Variants in ADGRV1 observed in about 807,000 individuals in gnomAD.
ADGRV1 encodes the protein adhesion G protein-coupled receptor V1, also known as G-protein coupled receptor 98.
ADGRV1 carries 359 observed loss-of-function variants against 596.2 expected under a neutral mutation model. The ratio of observed to expected loss-of-function variants is 0.60; its 90% CI spans 0.55 to 0.66. ADGRV1 has a LOEUF of 0.66. ADGRV1 is among the 30% of genes least tolerant of loss of function. ADGRV1 has a pLI of 0.00. For missense variants in ADGRV1, 7,274 were observed against 7,575.6 expected, an observed-to-expected ratio of 0.96 and a Z score of 1.48; for synonymous variants, 2,681 against 2,679.2, an observed-to-expected ratio of 1.00 and a Z score of -0.02.
chr5:90,863,730 C>T (rs1561865401), intron 82 of ADGRV1, 27 bp from the exon 83 acceptor site: 2 of 1,491,968 alleles, frequency 1.3e-6, no homozygotes, highest in Middle Eastern at 3.4e-4. Flanking sequence ...ATTATTAAAC[C>T]ATATGTGGAC....
At chr5:90,969,162 A>G (rs1216532508) in intron 84 of ADGRV1, among the ~76,000 whole-genome samples, 2 of 152,214 alleles carry the variant, frequency 1.3e-5, no homozygotes, top group Non-Finnish European at 2.9e-5. Context: ...CTCAAGTTGT[A>G]ATAACAGTAC....
At chr5:90,569,368 TATATATATATATATA>T in intron 1 of ADGRV1, among the ~76,000 whole-genome samples, 1 of 21,378 alleles carries the variant, frequency 4.7e-5, no homozygotes, top group East Asian at 1.2e-3. Context: ...TATATATATA[TATATATATATATATA>T]TATATTTTTT....
At chr5:90,614,533 A>G (rs561370122) in intron 1 of ADGRV1, among the ~76,000 whole-genome samples, 30 of 152,218 alleles carry the variant, frequency 2.0e-4, no homozygotes, top group African/African-American at 6.7e-4. Context: ...GTGGATGTCA[A>G]TAAATTTTTT....
chr5:90,823,313 A>C, intron 75 of ADGRV1, 112 bp from the exon 76 acceptor site: 1 of 1,071,310 alleles, frequency 9.3e-7, no homozygotes, highest in Non-Finnish European at 1.4e-6. Context: ...TTGGATGAAG[A>C]GGTACCATTT....
At chr5:91,080,416 C>G (rs1789238100) in intron 86 of ADGRV1, among the ~76,000 whole-genome samples, 1 of 152,026 alleles carries the variant, frequency 6.6e-6, no homozygotes. Flanking sequence ...GAGGTTGATT[C>G]ACAAGCTCTC....
At chr5:91,047,623 G>A (rs1785948328) in intron 85 of ADGRV1, among the ~76,000 whole-genome samples, 1 of 152,110 alleles carries the variant, frequency 6.6e-6, no homozygotes, top group Non-Finnish European at 1.5e-5. Flanking sequence ...CCAGTCCACT[G>A]ACTCAAATGT....
intron 85 of ADGRV1, among the ~76,000 whole-genome samples, chr5:91,016,667 C>T (rs1307868871): frequency 6.6e-6 from 1 of 151,828 alleles, no homozygotes; most frequent in Non-Finnish European, 1.5e-5. Context: ...CTCACCTGCT[C>T]CAGCTTGAGG....
chr5:90,877,729 T>A (rs1769355523), intron 83 of ADGRV1, among the ~76,000 whole-genome samples: 1 of 152,058 alleles, frequency 6.6e-6, no homozygotes, highest in Non-Finnish European at 1.5e-5. Flanking sequence ...ATTTTTTCAA[T>A]GCTTTTTCTT....
chr5:90,816,982 G>T (rs1167806005), intron 75 of ADGRV1, among the ~76,000 whole-genome samples: 1 of 151,994 alleles, frequency 6.6e-6, no homozygotes, highest in African/African-American at 2.4e-5. Context: ...CTGAGGAATT[G>T]CCACACTGAC....
intron 67 of ADGRV1, among the ~76,000 whole-genome samples, chr5:90,785,704 C>A (rs550420864): frequency 6.6e-6 from 1 of 152,270 alleles, no homozygotes; most frequent in Admixed American, 6.5e-5. Context: ...CAATGAGATA[C>A]CATCTCACTC....
chr5:90,668,290 A>T (rs573052527), intron 21 of ADGRV1, among the ~76,000 whole-genome samples: 109 of 152,240 alleles, frequency 7.2e-4, no homozygotes, highest in Middle Eastern at 6.8e-3. Context: ...CCTCTGAGCC[A>T]GGTGCGGGGT....
chr5:90,663,015 T>C (rs1264236570), intron 21 of ADGRV1, among the ~76,000 whole-genome samples: 1 of 149,508 alleles, frequency 6.7e-6, no homozygotes, highest in African/African-American at 2.5e-5. Context: ...CTATCATTGT[T>C]GGACATTTGG....
In ADGRV1 at chr5:90,805,342, T is replaced by C. The variant is rs767733373; in HGVS notation, c.14720T>C (p.Val4907Ala). Residue 4907 changes from valine to alanine, a missense_variant, in exon 72 of 90, where the codon GTT (valine) becomes GCT (alanine). Physicochemically the swap from Val to Ala is moderately conservative, Grantham distance 64. Transcript: ENST00000405460. ...LMNITAGTSH[V>A]MISRRGTYGA... is the part of the protein sequence containing the mutation. ...AACATCACTGCTGGCACAAGCCACG[T>C]TATGATTTCTAGGAGAGGCACATAT... is the stretch of plus-strand genomic sequence containing the variant. 1.2e-5 allele frequency: 20 copies of C among 1,612,938 alleles called. No individual in the cohort carries two copies. Among genetic ancestry groups the C allele is most frequent in the Non-Finnish European group, 1.7e-5 (20 of 1,179,178 alleles).
At chr5:91,027,618 AG>A in intron 85 of ADGRV1, among the ~76,000 whole-genome samples, 1 of 152,236 alleles carries the variant, frequency 6.6e-6, no homozygotes, top group Non-Finnish European at 1.5e-5. Flanking sequence ...CTTTCAGGGG[AG>A]GGGGTGATGA....
intron 83 of ADGRV1, among the ~76,000 whole-genome samples, chr5:90,918,414 G>A (rs1191919030): frequency 2.0e-5 from 3 of 152,102 alleles, no homozygotes; most frequent in Non-Finnish European, 4.4e-5. Flanking sequence ...TTCAATGTTC[G>A]GGCTATTTTC....
chr5:90,811,093 G>A lies in ADGRV1; in HGVS notation c.15833G>A (p.Gly5278Asp), dbSNP rs541825124. 1.2e-6 allele frequency: 2 copies of A among 1,613,762 alleles called. No individual in the cohort carries two copies. The highest frequency in any genetic ancestry group is 1.7e-6 in the Non-Finnish European group (2 of 1,179,692). Residue 5278 changes from glycine to aspartate, a missense_variant, in exon 74 of 90, where the codon GGT becomes GAT. Coordinates refer to ENST00000405460, the MANE Select transcript of ADGRV1 (RefSeq NM_032119.4). ...GAACCAAATGCATTGCCCTTTCGTG[G>A]TATCTATGGGATTTCCAACCTAACA... is the stretch of plus-strand genomic sequence containing the variant. ...QMEPNALPFR[G>D]IYGISNLTWA...
Position 90,675,262 on chromosome 5 carries a change from A to C in ADGRV1, c.5130A>C (p.Thr1710=). Residue 1710 remains threonine, a synonymous_variant, in exon 24 of 90, where the codon ACA becomes ACC. Coordinates refer to ENST00000405460, the MANE Select transcript of ADGRV1 (RefSeq NM_032119.4). ...DHPYGLLQFS[T]GLPPQPKDAM... ...CACTAGGCTTGCTGCAGTTCTCCAC[A>C]GGGCTGCCTCCTCAGCCTAAGGACG... is the stretch of plus-strand genomic sequence containing the variant. 1 of 1,613,410 alleles carries C rather than the reference A, an allele frequency of 6.2e-7. No individual in the cohort carries two copies. Among genetic ancestry groups the C allele is most frequent in the South Asian group, 1.1e-5 (1 of 90,982 alleles).
At chr5:91,117,142 A>T (rs1032958662) in intron 87 of ADGRV1, among the ~76,000 whole-genome samples, 2 of 152,230 alleles carry the variant, frequency 1.3e-5, no homozygotes, top group South Asian at 4.1e-4. Context: ...ATTTGAATTC[A>T]TCAGAGTATT....
chr5:91,130,753 AAGT>A (rs1794145890), intron 87 of ADGRV1, among the ~76,000 whole-genome samples: 1 of 152,102 alleles, frequency 6.6e-6, no homozygotes, highest in Non-Finnish European at 1.5e-5. Flanking sequence ...AGTGCCCTAT[AAGT>A]AGTTTTTCAA....
Sources: allele counts gnomAD v4.1 joint callset (sites outside exome capture counted in the v4.1 genomes callset), GRCh38; gene constraint gnomAD v4.1.1; transcripts MANE v1.5; gene names NCBI Gene and HGNC (gene_info 2026-07-23, HGNC 2026-07-21).